Variants in PHACTR1 observed in about 807,000 individuals in gnomAD.
The protein encoded by PHACTR1 is phosphatase and actin regulator 1.
A neutral mutation model predicts 69.2 loss-of-function variants in PHACTR1; 16 were observed. That is an observed-to-expected ratio of 0.23 (90% CI 0.16 to 0.35). The LOEUF is 0.35. Ranked by LOEUF, PHACTR1 falls within the 10% of genes least tolerant of loss-of-function variation. The probability of loss-of-function intolerance (pLI) is 1.00; values close to 1 mark genes in which losing one functional copy is unlikely to be tolerated. For synonymous variants in PHACTR1, 312 were observed against 284.5 expected (o/e 1.10, Z -0.97); for missense variants, 510 against 734.7 (o/e 0.69, Z 3.54).
chr6:12,868,533 T>A lies in PHACTR1; in HGVS notation c.250+118743T>A, dbSNP rs193080040. On this transcript the variant is annotated intron_variant, in intron 4 of 14. Coordinates refer to ENST00000332995, the MANE Select transcript of PHACTR1 (RefSeq NM_030948.6). Reference sequence around the variant, plus strand: ...TCAAGATGAGTGAATCAAGACTCTTTCATCGATTTCACCAAAATAGCACTT... The same window carrying A: ...TCAAGATGAGTGAATCAAGACTCTTACATCGATTTCACCAAAATAGCACTT... Among the ~76,000 whole-genome samples, 78 of 152,242 alleles carry A rather than the reference T, an allele frequency of 5.1e-4. 3 individuals are homozygous for A. In the East Asian group the frequency reaches 0.012, roughly 24 times the overall value.
intron 8 of PHACTR1, among the ~76,000 whole-genome samples, chr6:13,209,257 C>A (rs1417433817): frequency 1.3e-5 from 2 of 152,100 alleles, no homozygotes; most frequent in Non-Finnish European, 2.9e-5. Context: ...TGGGTGATTT[C>A]CCCCTGATTT....
chr6:12,721,153 A>C lies in PHACTR1; in HGVS notation c.103+2306A>C, dbSNP rs1581407438. On this transcript the variant is annotated intron_variant, in intron 3 of 14. Coordinates refer to ENST00000332995, the MANE Select transcript of PHACTR1 (RefSeq NM_030948.6). Reference sequence around the variant, plus strand: ...GTAATCCCAACACTTTGGGAAGCCGAGGCGGGTGGATCACTGGAGGTCAGG... The same window carrying C: ...GTAATCCCAACACTTTGGGAAGCCGCGGCGGGTGGATCACTGGAGGTCAGG... Among the ~76,000 whole-genome samples the C allele has an allele frequency of 2.0e-5, 3 of 152,340 alleles. No individual in the cohort carries two copies. In the South Asian group the frequency reaches 6.2e-4, roughly 32 times the overall value.
intron 4 of PHACTR1, among the ~76,000 whole-genome samples, chr6:12,886,597 A>G (rs906095571): frequency 6.6e-6 from 1 of 152,234 alleles, no homozygotes; most frequent in Non-Finnish European, 1.5e-5. Context: ...GAACTCTCAA[A>G]TGTCACATCT....
intron 4 of PHACTR1, among the ~76,000 whole-genome samples, chr6:13,001,701 C>A (rs1218589480): frequency 1.3e-5 from 2 of 152,212 alleles, no homozygotes; most frequent in African/African-American, 4.8e-5. Context: ...AGTGTGCCCC[C>A]CACTTTGGGG....
chr6:12,839,025 T>C (rs1467068531), intron 4 of PHACTR1, among the ~76,000 whole-genome samples: 1 of 152,236 alleles, frequency 6.6e-6, no homozygotes, highest in Non-Finnish European at 1.5e-5. Context: ...GGTTCATATG[T>C]GTAATTTAAT....
rs112671767 is a variant in PHACTR1, at chr6:12,812,568, C to T, written c.250+62778C>T. ...TAGGATCCAAATTCCTGACCCCAAG[C>T]CCAGTGTTTCTACACTACACTGAAT... On this transcript the variant is annotated intron_variant, in intron 4 of 14. Transcript: ENST00000332995. Among the ~76,000 whole-genome samples, 756 of 152,290 alleles carry T rather than the reference C, an allele frequency of 5.0e-3. 9 individuals carry two copies. Among genetic ancestry groups the T allele is most frequent in the African/African-American group, 0.017 (723 of 41,572 alleles).
intron 10 of PHACTR1, chr6:13,272,235 T>A (rs1777890924): frequency 6.6e-6 from 1 of 152,576 alleles, no homozygotes; most frequent in Non-Finnish European, 1.5e-5. Flanking sequence ...CATTGCAGGC[T>A]CATGCCCTGG....
At chr6:12,738,232 T>A (rs1345136869) in intron 3 of PHACTR1, among the ~76,000 whole-genome samples, 3 of 152,246 alleles carry the variant, frequency 2.0e-5, no homozygotes, top group African/African-American at 7.2e-5. Flanking sequence ...ATTAGACTTA[T>A]GTTTATGCAT....
At chr6:12,767,422 T>G (rs1270026159) in intron 4 of PHACTR1, among the ~76,000 whole-genome samples, 3 of 152,230 alleles carry the variant, frequency 2.0e-5, no homozygotes, top group Non-Finnish European at 2.9e-5. Context: ...AAGACACATG[T>G]GTTTTTTAAG....
intron 7 of PHACTR1, among the ~76,000 whole-genome samples, chr6:13,192,781 A>G (rs1763778533): frequency 6.6e-6 from 1 of 152,142 alleles, no homozygotes; most frequent in African/African-American, 2.4e-5. Flanking sequence ...ATTTAATCTG[A>G]TGTGTTCCCT....
At chr6:13,199,740 A>T (rs1266288305) in intron 7 of PHACTR1, among the ~76,000 whole-genome samples, 1 of 152,186 alleles carries the variant, frequency 6.6e-6, no homozygotes, top group Non-Finnish European at 1.5e-5. Context: ...CAAGATATAG[A>T]TAGAAATAGA....
chr6:13,073,669 G>C (rs939113078), intron 5 of PHACTR1, among the ~76,000 whole-genome samples: 1 of 151,878 alleles, frequency 6.6e-6, no homozygotes, highest in Non-Finnish European at 1.5e-5. Flanking sequence ...TTGACAAAGA[G>C]ATCTGGGACC....
intron 5 of PHACTR1, among the ~76,000 whole-genome samples, chr6:13,064,464 T>C (rs979001522): frequency 2.6e-4 from 38 of 148,626 alleles, no homozygotes; most frequent in Non-Finnish European, 4.0e-4. Context: ...AATGCAGATA[T>C]AATAAGCAAA....
intron 4 of PHACTR1, among the ~76,000 whole-genome samples, chr6:12,913,176 A>C (rs925666398): frequency 1.3e-5 from 2 of 152,214 alleles, no homozygotes; most frequent in Non-Finnish European, 2.9e-5. Flanking sequence ...ACAAAGGATG[A>C]TGTCTCCTTG....
intron 5 of PHACTR1, among the ~76,000 whole-genome samples, chr6:13,067,765 A>G (rs1309565865): frequency 6.6e-6 from 1 of 152,240 alleles, no homozygotes; most frequent in Non-Finnish European, 1.5e-5. Flanking sequence ...TTAGGTAATC[A>G]GACAGTAATC....
intron 7 of PHACTR1, among the ~76,000 whole-genome samples, chr6:13,195,143 G>A (rs1764192222): frequency 6.6e-6 from 1 of 152,170 alleles, no homozygotes; most frequent in African/African-American, 2.4e-5. Context: ...AGGAACTGAT[G>A]GAGCTCCTGT....
intron 3 of PHACTR1, among the ~76,000 whole-genome samples, chr6:12,737,517 A>G (rs1166328560): frequency 6.6e-6 from 1 of 151,720 alleles, no homozygotes; most frequent in East Asian, 1.9e-4. Flanking sequence ...ATGGCTTTAT[A>G]TATATATATA....
At chr6:12,888,464 A>G (rs1385171961) in intron 4 of PHACTR1, among the ~76,000 whole-genome samples, 1 of 152,220 alleles carries the variant, frequency 6.6e-6, no homozygotes, top group Non-Finnish European at 1.5e-5. Context: ...TTAACAGAAA[A>G]GTTTTGAATG....
intron 5 of PHACTR1, among the ~76,000 whole-genome samples, chr6:13,126,647 T>G (rs1819576183): frequency 6.6e-6 from 1 of 152,242 alleles, no homozygotes; most frequent in Non-Finnish European, 1.5e-5. Context: ...ATATCCACCA[T>G]GTGTTAAGTG....
Sources: allele counts gnomAD v4.1 joint callset (sites outside exome capture counted in the v4.1 genomes callset), GRCh38; gene constraint gnomAD v4.1.1; transcripts MANE v1.5; gene names NCBI Gene and HGNC (gene_info 2026-07-23, HGNC 2026-07-21).